The following STK39 variants were observed in gnomAD, a reference collection of about 807,000 sequenced individuals.
STK39 encodes serine/threonine kinase 39.
STK39 carries 20 observed loss-of-function variants against 77.8 expected under a neutral mutation model. The ratio of observed to expected loss-of-function variants is 0.26; its 90% confidence interval spans 0.18 to 0.37. STK39 has a LOEUF of 0.37. Ranked by LOEUF, STK39 falls within the 10% of genes least tolerant of loss-of-function variation. The pLI is 1.00. For synonymous variants in STK39, 246 were observed against 234.1 expected, an observed-to-expected ratio of 1.05 and a Z score of -0.47; for missense variants, 479 against 656.5, an observed-to-expected ratio of 0.73 and a Z score of 2.95.
chr2:168,185,580 C>A (rs1689188030), intron 1 of STK39, among the ~76,000 whole-genome samples: 2 of 152,168 alleles, frequency 1.3e-5, no homozygotes, highest in South Asian at 4.1e-4. Context: ...TTTATACTTT[C>A]AGTTATCCAA....
At chr2:167,996,588 G>A (rs1351405480) in intron 16 of STK39, among the ~76,000 whole-genome samples, 1 of 152,152 alleles carries the variant, frequency 6.6e-6, no homozygotes, top group Non-Finnish European at 1.5e-5. Context: ...TAATTCGGTG[G>A]GTCAAGTTCA....
intron 10 of STK39, among the ~76,000 whole-genome samples, chr2:168,091,149 T>TGC (rs566321323): frequency 1.2e-4 from 9 of 72,432 alleles, no homozygotes; most frequent in Admixed American, 9.2e-4. Flanking sequence ...CACAAACAGG[T>TGC]GCACACACAC....
chr2:168,184,262 GA>G (rs1689151653), intron 1 of STK39, among the ~76,000 whole-genome samples: 1 of 152,182 alleles, frequency 6.6e-6, no homozygotes, highest in Non-Finnish European at 1.5e-5. Context: ...TAGGTGGTGA[GA>G]AAAATCTTTT....
rs144155364 is a variant in STK39, at chr2:168,126,825, C to T, written c.1089+2716G>A. ...TGCTCATTAAAATTAGAATTATGAT[C>T]GGAAAACAGCCAATATTATGAAACT... On this transcript the variant is annotated intron_variant, in intron 10 of 17. Coordinates refer to ENST00000355999, the MANE Select transcript of STK39 (RefSeq NM_013233.3). Among the ~76,000 whole-genome samples the T allele has an allele frequency of 3.9e-4, 59 of 152,198 alleles. 1 individual carries two copies. In the East Asian group the frequency reaches 0.01, roughly 26 times the overall value.
chr2:168,177,030 T>C (rs549121885), intron 2 of STK39, among the ~76,000 whole-genome samples: 1 of 152,324 alleles, frequency 6.6e-6, no homozygotes, highest in East Asian at 1.9e-4. Context: ...AAACTGATTT[T>C]TCCAGAATGA....
intron 10 of STK39, among the ~76,000 whole-genome samples, chr2:168,101,679 A>AG (rs1686831603): frequency 6.6e-6 from 1 of 152,148 alleles, no homozygotes; most frequent in Admixed American, 6.5e-5. Flanking sequence ...CAGAGGCTGC[A>AG]GGGGGCCGAG....
At chr2:168,149,928 T>C (rs553297986) in intron 5 of STK39, among the ~76,000 whole-genome samples, 15 of 152,220 alleles carry the variant, frequency 9.9e-5, no homozygotes, top group African/African-American at 3.1e-4. Flanking sequence ...TCTAGGAAAA[T>C]AGGAAACAGA....
chr2:168,131,175 T>C (rs1286438124), intron 8 of STK39, among the ~76,000 whole-genome samples: 1 of 152,218 alleles, frequency 6.6e-6, no homozygotes, highest in African/African-American at 2.4e-5. Context: ...AAATAAAACA[T>C]AGATATCACA....
intron 16 of STK39, among the ~76,000 whole-genome samples, chr2:167,999,767 T>A (rs181713072): frequency 9.0e-4 from 137 of 152,156 alleles, no homozygotes; most frequent in Admixed American, 2.3e-3. Flanking sequence ...CGGCCCGAGA[T>A]GCTTGCTTTA....
intron 5 of STK39, among the ~76,000 whole-genome samples, chr2:168,146,283 A>C (rs1489021592): frequency 6.6e-6 from 1 of 152,160 alleles, no homozygotes; most frequent in East Asian, 1.9e-4. Flanking sequence ...ATTTCTCTAA[A>C]ACCTGTAAGG....
intron 10 of STK39, among the ~76,000 whole-genome samples, chr2:168,119,087 A>G (rs1687339387): frequency 6.6e-6 from 1 of 152,170 alleles, no homozygotes; most frequent in South Asian, 2.1e-4. Flanking sequence ...CCCTGTGAGC[A>G]TGTGAGTTCC....
At chr2:168,045,565 T>C (rs930794184) in intron 14 of STK39, among the ~76,000 whole-genome samples, 5 of 152,250 alleles carry the variant, frequency 3.3e-5, no homozygotes, top group Non-Finnish European at 7.3e-5. Flanking sequence ...AAAGTTTATG[T>C]TTTAGAATAT....
intron 16 of STK39, among the ~76,000 whole-genome samples, chr2:167,982,677 A>G (rs1486913959): frequency 6.6e-6 from 1 of 152,178 alleles, no homozygotes; most frequent in African/African-American, 2.4e-5. Context: ...TCACTACCCA[A>G]CACTGAGCTG....
chr2:168,131,046 T>C (rs1379555086), intron 8 of STK39, among the ~76,000 whole-genome samples: 2 of 152,218 alleles, frequency 1.3e-5, no homozygotes, highest in Non-Finnish European at 2.9e-5. Flanking sequence ...TTAGATAATT[T>C]TAGGAACGTG....
At chr2:168,098,389 C>T (rs1191925903) in intron 10 of STK39, among the ~76,000 whole-genome samples, 1 of 152,140 alleles carries the variant, frequency 6.6e-6, no homozygotes, top group Admixed American at 6.5e-5. Context: ...TTGCACTTTA[C>T]CATATGCTAC....
chr2:168,062,642 A>G (rs1415650549), intron 14 of STK39, among the ~76,000 whole-genome samples: 3 of 152,222 alleles, frequency 2.0e-5, no homozygotes, highest in Non-Finnish European at 4.4e-5. Flanking sequence ...CACTTTTTGT[A>G]GCTACAACTC....
intron 2 of STK39, among the ~76,000 whole-genome samples, chr2:168,175,523 G>C (rs1023199433): frequency 6.6e-6 from 1 of 152,200 alleles, no homozygotes; most frequent in Non-Finnish European, 1.5e-5. Flanking sequence ...ATTAGTATCC[G>C]AATAAGCTAC....
chr2:168,209,571 T>A (rs1689831473), intron 1 of STK39, among the ~76,000 whole-genome samples: 1 of 151,934 alleles, frequency 6.6e-6, no homozygotes, highest in Non-Finnish European at 1.5e-5. Context: ...AGCTACTTAC[T>A]CGGTTGGCTG....
At chr2:168,035,326 A>G (rs917652731) in intron 14 of STK39, among the ~76,000 whole-genome samples, 1 of 152,230 alleles carries the variant, frequency 6.6e-6, no homozygotes, top group Non-Finnish European at 1.5e-5. Context: ...ATAATAATTA[A>G]AAACAAATAT....
Sources: gnomAD v4.1 joint callset for allele counts (sites outside exome capture counted in the v4.1 genomes callset) on GRCh38, gnomAD v4.1.1 for gene constraint, MANE v1.5 for transcripts, NCBI Gene and HGNC (gene_info 2026-07-23, HGNC 2026-07-21) for gene names.